Variants in BACH2 observed in about 807,000 individuals in gnomAD.
BACH2 encodes the protein BACH transcriptional regulator 2, also known as transcription regulator protein BACH2.
In BACH2, 5 loss-of-function variants were observed where a neutral mutation model predicts 61.8. The observed-to-expected ratio is 0.08, with a 90% CI of 0.04 to 0.17. The LOEUF is 0.17. BACH2 is among the 10% of genes least tolerant of loss of function. The pLI is 1.00. For synonymous variants in BACH2, 446 were observed against 440.1 expected (o/e 1.01, Z -0.17); for missense variants, 824 against 1,091.1 (o/e 0.76, Z 3.45).
chr6:90,064,136 C>T (rs1178968817), intron 5 of BACH2, among the ~76,000 whole-genome samples: 1 of 152,136 alleles, frequency 6.6e-6, no homozygotes, highest in East Asian at 1.9e-4. Context: ...GAGTGCAATG[C>T]ACGAAGTGGA....
intron 2 of BACH2, among the ~76,000 whole-genome samples, chr6:90,260,739 G>GAACT (rs1276615453): frequency 6.6e-6 from 1 of 152,190 alleles, no homozygotes; most frequent in Non-Finnish European, 1.5e-5. Context: ...TACCAAGATA[G>GAACT]AACTAGAAAT....
chr6:89,983,204 G>A (rs1308792757), intron 6 of BACH2, among the ~76,000 whole-genome samples: 4 of 152,186 alleles, frequency 2.6e-5, no homozygotes, highest in Admixed American at 6.5e-5. Context: ...GATTTGAATA[G>A]GACATCATCC....
intron 4 of BACH2, among the ~76,000 whole-genome samples, chr6:90,201,942 C>T (rs575783995): frequency 5.2e-4 from 79 of 152,140 alleles, no homozygotes; most frequent in Admixed American, 1.0e-3. Flanking sequence ...TTATTATTCA[C>T]CAATTCCTTA....
intron 4 of BACH2, among the ~76,000 whole-genome samples, chr6:90,128,484 G>A (rs930210738): frequency 2.0e-5 from 3 of 152,208 alleles, no homozygotes; most frequent in African/African-American, 7.2e-5. Flanking sequence ...AGGAGGCTGA[G>A]GCAGGAGAAT....
chr6:89,955,841 C>A (rs943268027), intron 6 of BACH2, among the ~76,000 whole-genome samples: 1 of 151,780 alleles, frequency 6.6e-6, no homozygotes, highest in East Asian at 1.9e-4. Flanking sequence ...ACTTTTTGTT[C>A]TTAACAAATA....
intron 7 of BACH2, among the ~76,000 whole-genome samples, chr6:89,949,188 C>G (rs1317325731): frequency 6.6e-6 from 1 of 152,198 alleles, no homozygotes; most frequent in East Asian, 1.9e-4. Flanking sequence ...CCAGAGAGCA[C>G]AGATGGGTAC....
chr6:89,950,485 G>C lies in BACH2; in HGVS notation c.1621C>G (p.Pro541Ala). The stretch of plus-strand genomic sequence containing the variant: ...GGCGAGGAGGAGAACTCACAGAGAG[G>C]GAGGCTGCAGGGTGAGCCCCCGCTC... ...DGSGGSPCSL[P>A]LCEFSSSPCS... Residue 541 changes from proline (P) to alanine (A), a missense_variant, in exon 7 of 9, where the codon CCT becomes GCT. By Grantham distance (27) the Pro-to-Ala change is conservative. Around this residue, in one of 8 missense-constraint regions of BACH2, gnomAD observed 160 missense variants for 283.5 expected, o/e 0.56. Transcript: ENST00000257749. The surrounding 1 kb of genome is among the most constrained non-coding windows in gnomAD (Gnocchi z 5.3). The C allele has an allele frequency of 6.2e-7, 1 of 1,614,146 alleles. No individual in the cohort carries two copies. The highest frequency in any genetic ancestry group is 8.5e-7 in the Non-Finnish European group (1 of 1,179,990).
At chr6:90,192,032 T>C (rs1768591895) in intron 4 of BACH2, among the ~76,000 whole-genome samples, 1 of 152,234 alleles carries the variant, frequency 6.6e-6, no homozygotes, top group Non-Finnish European at 1.5e-5. Context: ...AAAAGGAAAT[T>C]TATAATACCA....
At chr6:90,017,408 GA>G (rs1442198068) in intron 5 of BACH2, among the ~76,000 whole-genome samples, 1 of 151,998 alleles carries the variant, frequency 6.6e-6, no homozygotes, top group Non-Finnish European at 1.5e-5. Context: ...TTTTAGTATA[GA>G]CAGGGTTTCA....
intron 4 of BACH2, among the ~76,000 whole-genome samples, chr6:90,164,574 T>C (rs7382038): frequency 6.6e-6 from 1 of 152,228 alleles, no homozygotes; most frequent in East Asian, 1.9e-4. Flanking sequence ...GAGGCCAGCA[T>C]CATCCTGATA....
intron 5 of BACH2, among the ~76,000 whole-genome samples, chr6:90,032,907 T>C (rs1212969426): frequency 1.3e-5 from 2 of 152,152 alleles, no homozygotes; most frequent in Non-Finnish European, 2.9e-5. Flanking sequence ...CACATGCACA[T>C]GTATGTTTAT....
intron 8 of BACH2, among the ~76,000 whole-genome samples, chr6:89,935,937 G>A (rs985949766): frequency 5.3e-5 from 8 of 152,140 alleles, no homozygotes; most frequent in South Asian, 2.1e-4. Context: ...CAGGAATGTC[G>A]TCTCCTTATG....
chr6:90,187,943 C>T (rs1312930586), intron 4 of BACH2, among the ~76,000 whole-genome samples: 1 of 152,154 alleles, frequency 6.6e-6, no homozygotes, highest in Non-Finnish European at 1.5e-5. Flanking sequence ...CAGAAGAGCA[C>T]AAGTGCCCCA....
chr6:89,946,206 C>G (rs1323354231), intron 7 of BACH2, among the ~76,000 whole-genome samples: 2 of 151,966 alleles, frequency 1.3e-5, no homozygotes, highest in African/African-American at 4.8e-5. Flanking sequence ...AGAGGTAAAC[C>G]AGCAATTCAC....
chr6:90,116,780 G>T, intron 4 of BACH2: 1 of 471,318 alleles, frequency 2.1e-6, no homozygotes, highest in Non-Finnish European at 3.9e-6. Flanking sequence ...TGCGCCTACA[G>T]TGACAGAATA....
intron 4 of BACH2, among the ~76,000 whole-genome samples, chr6:90,159,206 A>G (rs1321773863): frequency 6.6e-6 from 1 of 152,242 alleles, no homozygotes; most frequent in African/African-American, 2.4e-5. Flanking sequence ...TACGTGGTCT[A>G]GTAGAATGAA....
intron 7 of BACH2, 31 bp from the exon 8 acceptor site, chr6:89,938,381 G>T (rs973027818): frequency 5.1e-6 from 8 of 1,573,640 alleles, no homozygotes; most frequent in Non-Finnish European, 6.1e-6. Context: ...AAATGATTAT[G>T]GCAGCTGGAT....
intron 5 of BACH2, among the ~76,000 whole-genome samples, chr6:90,047,701 C>T (rs1779855268): frequency 6.6e-6 from 1 of 152,122 alleles, no homozygotes; most frequent in Admixed American, 6.6e-5. Flanking sequence ...TAAAGAAAGG[C>T]CTTGTCAGTG....
chr6:90,277,111 C>T (rs1771719076), intron 1 of BACH2, among the ~76,000 whole-genome samples: 1 of 152,118 alleles, frequency 6.6e-6, no homozygotes, highest in African/African-American at 2.4e-5. Flanking sequence ...GCCTCATCTA[C>T]AAGACATTTA....
Sources: allele counts gnomAD v4.1 joint callset (sites outside exome capture counted in the v4.1 genomes callset), GRCh38; gene constraint gnomAD v4.1.1; regional missense constraint gnomAD v4.1.1; non-coding constraint Gnocchi (gnomAD v3.1); transcripts MANE v1.5; gene names NCBI Gene and HGNC (gene_info 2026-07-23, HGNC 2026-07-21).